ITGB2: variants seen among roughly 807,000 people sequenced by gnomAD.
ITGB2 encodes the protein integrin beta-2.
A neutral mutation model predicts 86.8 loss-of-function variants in ITGB2; 56 were observed. The ratio of observed to expected loss-of-function variants is 0.65; its 90% CI spans 0.52 to 0.81. ITGB2 has a LOEUF of 0.81. Among genes scored for constraint, ITGB2 ranks in the 30% least tolerant of loss-of-function variants. The pLI is 0.00. For missense variants in ITGB2, 948 were observed against 1,061.2 expected, an observed-to-expected ratio of 0.89 and a Z score of 1.48; for synonymous variants, 457 against 450.4, an observed-to-expected ratio of 1.01 and a Z score of -0.19.
At chr21:44,900,618 G>T in intron 6 of ITGB2, 143 bp from the exon 7 acceptor site, 2 of 998,714 alleles carry the variant, frequency 2.0e-6, no homozygotes, top group Non-Finnish European at 3.0e-6. Flanking sequence ...CAGGGACCCA[G>T]CTGTGTTCCC....
intron 3 of ITGB2, among the ~76,000 whole-genome samples, chr21:44,907,613 C>T (rs1422020272): frequency 6.6e-6 from 1 of 152,256 alleles, no homozygotes; most frequent in African/African-American, 2.4e-5. Flanking sequence ...TTCCTCTCAG[C>T]CACTTTGTCC....
chr21:44,919,533 G>C (rs373540749), intron 1 of ITGB2, among the ~76,000 whole-genome samples: 1 of 152,198 alleles, frequency 6.6e-6, no homozygotes, highest in African/African-American at 2.4e-5. Context: ...CTGGGGTGAC[G>C]GCAGACAGCC....
At chr21:44,911,258 A>G (rs1033771754) in intron 1 of ITGB2, 5 of 254,402 alleles carry the variant, frequency 2.0e-5, no homozygotes, top group Non-Finnish European at 4.0e-5. Flanking sequence ...CACACCACAC[A>G]CAAATATACA....
At chr21:44,894,865 T>C in intron 9 of ITGB2, 106 bp downstream of exon 9, 1 of 847,746 alleles carries the variant, frequency 1.2e-6, no homozygotes, top group South Asian at 1.4e-5. Context: ...GGGCAGGGGC[T>C]TTCCTCCCAG....
chr21:44,892,043 T>C, intron 10 of ITGB2, 47 bp from the exon 11 acceptor site: 1 of 1,585,944 alleles, frequency 6.3e-7, no homozygotes, highest in Non-Finnish European at 8.6e-7. Context: ...GTGGCCAGGG[T>C]GGCAGCCCAG....
chr21:44,917,317 A>G (rs1293822491), intron 1 of ITGB2, among the ~76,000 whole-genome samples: 1 of 152,178 alleles, frequency 6.6e-6, no homozygotes, highest in African/African-American at 2.4e-5. Context: ...GGGGAAAAAA[A>G]GAGAGACACA....
At chr21:44,902,490 T>G (rs2083976568) in intron 5 of ITGB2, among the ~76,000 whole-genome samples, 3 of 151,712 alleles carry the variant, frequency 2.0e-5, no homozygotes, top group Admixed American at 2.0e-4. Context: ...TGTGAGAGCA[T>G]GCATTTGTGT....
chr21:44,889,418 T>C lies in ITGB2; in HGVS notation c.1735A>G (p.Thr579Ala), dbSNP rs2083752185. ...CGCCGCGGGTTCAGGCAGCCCTCAGTGGTCCTCTCGCACTGGCACGCTGAG... is the reference window on the plus strand; with the variant it reads ...CGCCGCGGGTTCAGGCAGCCCTCAGCGGTCCTCTCGCACTGGCACGCTGAG... ...EGSACQCERT[T>A]EGCLNPRRVE... The change falls in exon 13 of 16, where the codon ACT becomes GCT. Residue 579 changes from threonine (T) to alanine (A), a missense_variant. By Grantham distance (58) the Thr-to-Ala change is moderately conservative (BLOSUM62 0). Coordinates refer to ENST00000652462, the MANE Select transcript of ITGB2 (RefSeq NM_000211.5). 18 of 1,611,634 alleles carry C rather than the reference T, an allele frequency of 1.1e-5. No homozygotes were observed. Among genetic ancestry groups the C allele is most frequent in the Non-Finnish European group, 1.2e-5 (14 of 1,179,344 alleles).
chr21:44,903,241 C>T (rs1444535163), intron 5 of ITGB2, 124 bp downstream of exon 5: 1 of 1,150,638 alleles, frequency 8.7e-7, no homozygotes, highest in Non-Finnish European at 1.3e-6. Flanking sequence ...CCTGGGGGGA[C>T]CTGCATCTGG....
intron 8 of ITGB2, among the ~76,000 whole-genome samples, chr21:44,895,617 G>A (rs1334815062): frequency 6.6e-6 from 1 of 152,056 alleles, no homozygotes; most frequent in Non-Finnish European, 1.5e-5. Flanking sequence ...CAAAGTGGGT[G>A]GATCACTGAG....
chr21:44,919,841 C>T (rs778307069), intron 1 of ITGB2, among the ~76,000 whole-genome samples: 12 of 152,016 alleles, frequency 7.9e-5, no homozygotes, highest in Non-Finnish European at 1.6e-4. Flanking sequence ...GGTGTGGGGA[C>T]GGTGGTGCAA....
chr21:44,893,171 A>G (rs2083815338), intron 10 of ITGB2: 3 of 507,046 alleles, frequency 5.9e-6, no homozygotes, highest in South Asian at 2.0e-5. Flanking sequence ...CTCGGCAGAG[A>G]GGATGTGAAG....
chr21:44,917,466 C>A (rs1292927965), intron 1 of ITGB2, among the ~76,000 whole-genome samples: 1 of 152,140 alleles, frequency 6.6e-6, no homozygotes, highest in South Asian at 2.1e-4. Flanking sequence ...TGGTGGCCGA[C>A]GAATTATGCT....
chr21:44,895,179 A>G, intron 8 of ITGB2, 119 bp from the exon 9 acceptor site: 1 of 762,762 alleles, frequency 1.3e-6, no homozygotes, highest in East Asian at 2.5e-5. Context: ...TCCTCAACGC[A>G]GTTTTGCACT....
At chr21:44,911,086 C>T (rs2084124923) in intron 1 of ITGB2, 2 of 512,790 alleles carry the variant, frequency 3.9e-6, no homozygotes, top group Non-Finnish European at 7.2e-6. Context: ...GACGTGTACA[C>T]ACACCACACA....
intron 5 of ITGB2, among the ~76,000 whole-genome samples, chr21:44,902,261 A>G (rs1264808540): frequency 2.0e-5 from 3 of 152,206 alleles, no homozygotes; most frequent in Admixed American, 6.5e-5. Context: ...GCATGTGAGC[A>G]TGTCTGTGTG....
At chr21:44,890,677 G>T (rs2083774021) in intron 11 of ITGB2, among the ~76,000 whole-genome samples, 1 of 152,172 alleles carries the variant, frequency 6.6e-6, no homozygotes, top group South Asian at 2.1e-4. Context: ...GGGACAAGGG[G>T]TTTTTACAGA....
At chr21:44,904,824 A>G (rs553318673) in intron 4 of ITGB2, among the ~76,000 whole-genome samples, 10 of 150,918 alleles carry the variant, frequency 6.6e-5, no homozygotes, top group African/African-American at 2.4e-4. Context: ...CATACCACAC[A>G]CACCATGCAT....
chr21:44,915,509 A>T (rs1384453558), intron 1 of ITGB2, among the ~76,000 whole-genome samples: 1 of 152,172 alleles, frequency 6.6e-6, no homozygotes, highest in Non-Finnish European at 1.5e-5. Flanking sequence ...GAAGTGATGG[A>T]CGATGCCGCC....
Sources: gnomAD v4.1 joint callset for allele counts (sites outside exome capture counted in the v4.1 genomes callset) on GRCh38, gnomAD v4.1.1 for gene constraint, MANE v1.5 for transcripts, NCBI Gene and HGNC (gene_info 2026-07-23, HGNC 2026-07-21) for gene names.